CHIC2: variants seen among roughly 807,000 people sequenced by gnomAD.
The protein encoded by CHIC2 is cysteine-rich hydrophobic domain-containing protein 2.
Under a neutral mutation model 25.9 loss-of-function variants are expected in CHIC2, and 14 were observed. The observed-to-expected ratio is 0.54, with a 90% CI of 0.36 to 0.85. The LOEUF (loss-of-function observed/expected upper bound fraction) is 0.85, where lower values mean the gene tolerates loss of function less well. Ranked by LOEUF, CHIC2 falls within the 40% of genes least tolerant of loss-of-function variation. CHIC2 has a pLI of 0.01. For missense variants in CHIC2, 146 were observed against 202.0 expected, an observed-to-expected ratio of 0.72 and a Z score of 1.68; for synonymous variants, 70 against 72.0, an observed-to-expected ratio of 0.97 and a Z score of 0.14.
upstream of CHIC2, among the ~76,000 whole-genome samples, chr4:54,065,474 C>T (rs781436371): frequency 2.6e-5 from 4 of 151,198 alleles, no homozygotes; most frequent in Non-Finnish European, 5.9e-5. Flanking sequence ...GAAAAGGAGG[C>T]AGGAAGGAAG....
chr4:54,077,004 G>T, the CHIC2 span, among the ~76,000 whole-genome samples: 1 of 152,080 alleles, frequency 6.6e-6, no homozygotes, highest in Non-Finnish European at 1.5e-5. Flanking sequence ...GAGGAAACTG[G>T]GTTAACTCAA....
At chr4:54,069,044 G>A (rs1717569284), upstream of CHIC2, among the ~76,000 whole-genome samples, 2 of 152,152 alleles carry the variant, frequency 1.3e-5, no homozygotes, top group Admixed American at 6.5e-5. Flanking sequence ...ATTCACTGCA[G>A]TCCAATAGTT....
chr4:54,063,993 G>A (rs1717415978), intron 1 of CHIC2, among the ~76,000 whole-genome samples, 189 bp downstream of exon 1: 1 of 152,238 alleles, frequency 6.6e-6, no homozygotes, highest in African/African-American at 2.4e-5. Flanking sequence ...TGTGGAGGAG[G>A]AAGGACAGCG....
At position 54,049,047 on chromosome 4, in the gene CHIC2, G is replaced by A; in HGVS notation, c.238C>T (p.Pro80Ser). 6.2e-7 allele frequency: 1 copy of A among 1,612,664 alleles called. No individual in the cohort carries two copies. Among genetic ancestry groups the A allele is most frequent in the Non-Finnish European group, 8.5e-7 (1 of 1,179,274 alleles). Residue 80 changes from proline (P) to serine (S), a missense_variant, in exon 3 of 6, where the codon CCT (proline) becomes TCT (serine). By Grantham distance (74) the Pro-to-Ser change is moderately conservative (BLOSUM62 -1). Transcript: ENST00000263921. ...RVNSCLKKNL[P>S]VNVRWLLCGC... ...CAAAGTAGCCAACGTACATTAACAG[G>A]AAGGTTCTTCTTAAGACAACTGTTA...
chr4:54,080,009 A>G, the CHIC2 span, among the ~76,000 whole-genome samples: 1 of 151,774 alleles, frequency 6.6e-6, no homozygotes. Context: ...GTAGTCAAAC[A>G]AAATGAAATC....
chr4:54,031,950 AAAG>A (rs1277456408), intron 3 of CHIC2, among the ~76,000 whole-genome samples: 1 of 152,030 alleles, frequency 6.6e-6, no homozygotes, highest in Non-Finnish European at 1.5e-5. Flanking sequence ...ACAACACTAC[AAAG>A]AAGGGTTTAG....
intron 3 of CHIC2, among the ~76,000 whole-genome samples, chr4:54,044,504 T>C (rs1307233669): frequency 0.01 from 1,549 of 152,132 alleles, 22 homozygotes; most frequent in African/African-American, 0.035. Context: ...CACTCAAAAC[T>C]GCTCAACTAC....
chr4:54,060,863 T>A (rs1717312985), intron 1 of CHIC2: 1 of 152,136 alleles, frequency 6.6e-6, no homozygotes. Flanking sequence ...TACTTTTAAT[T>A]GAATGGTGAC....
At chr4:54,061,783 C>T (rs1331825237) in intron 1 of CHIC2, among the ~76,000 whole-genome samples, 3 of 151,866 alleles carry the variant, frequency 2.0e-5, no homozygotes, top group Non-Finnish European at 4.4e-5. Context: ...CGCCACAAAA[C>T]AGGTTAAGTT....
the CHIC2 span, among the ~76,000 whole-genome samples, chr4:54,084,959 C>CAAAAAAAAAAAAA: frequency 3.4e-3 from 198 of 58,886 alleles, 12 homozygotes; most frequent in African/African-American, 0.012. Context: ...TGCTCTGTCT[C>CAAAAAAAAAAAAA]AAAAAAAAAA....
rs151317512 is a variant in CHIC2 at position 54,040,604 on chromosome 4, G to A, written c.330+8351C>T. Among the ~76,000 whole-genome samples the A allele has an allele frequency of 5.6e-3, 845 of 151,524 alleles. 3 individuals are homozygous for A. The highest frequency in any genetic ancestry group is 7.4e-3 in the Non-Finnish European group (500 of 67,936). On this transcript the variant is annotated intron_variant, in intron 3 of 5. Coordinates refer to ENST00000263921, the MANE Select transcript of CHIC2 (RefSeq NM_012110.4). ...TAATTCCAGCTACTCCGGAGGCTGAGGCAAGAGAATCACTTGAACCGGGGA... is the reference window on the plus strand; with the variant it reads ...TAATTCCAGCTACTCCGGAGGCTGAAGCAAGAGAATCACTTGAACCGGGGA...
At chr4:54,058,153 T>C (rs1241258486) in intron 1 of CHIC2, among the ~76,000 whole-genome samples, 2 of 152,190 alleles carry the variant, frequency 1.3e-5, no homozygotes, top group Admixed American at 1.3e-4. Context: ...CTTCACATTT[T>C]AGACTGACTT....
intron 3 of CHIC2, among the ~76,000 whole-genome samples, chr4:54,021,334 C>T (rs1036863797): frequency 2.6e-5 from 4 of 152,068 alleles, no homozygotes; most frequent in African/African-American, 4.8e-5. Context: ...GCTCCCAATG[C>T]GACTCATCCC....
chr4:54,074,826 A>G, the CHIC2 span, among the ~76,000 whole-genome samples: 1 of 152,172 alleles, frequency 6.6e-6, no homozygotes, highest in African/African-American at 2.4e-5. Flanking sequence ...AAAAATTCTC[A>G]GCTGGGCACA....
chr4:54,041,504 C>A (rs1021431793), intron 3 of CHIC2, among the ~76,000 whole-genome samples: 1 of 152,070 alleles, frequency 6.6e-6, no homozygotes, highest in Non-Finnish European at 1.5e-5. Flanking sequence ...CAACTAACTG[C>A]AATAGACTGA....
At chr4:54,074,523 C>G in the CHIC2 span, among the ~76,000 whole-genome samples, 1 of 151,536 alleles carries the variant, frequency 6.6e-6, no homozygotes, top group African/African-American at 2.4e-5. Context: ...TAGGAAGTAC[C>G]CAGCTTCATC....
chr4:54,029,184 G>A (rs1194902502), intron 3 of CHIC2, among the ~76,000 whole-genome samples: 1 of 151,098 alleles, frequency 6.6e-6, no homozygotes, highest in East Asian at 1.9e-4. Flanking sequence ...TTTATTAAGT[G>A]TAAAAGAAAG....
the CHIC2 span, among the ~76,000 whole-genome samples, chr4:54,071,900 G>C: frequency 6.6e-6 from 1 of 152,108 alleles, no homozygotes; most frequent in East Asian, 1.9e-4. Flanking sequence ...TTCAAAATTT[G>C]TCCCTAAAAT....
intron 1 of CHIC2, among the ~76,000 whole-genome samples, chr4:54,061,754 T>A (rs896881541): frequency 4.6e-5 from 7 of 152,126 alleles, no homozygotes; most frequent in Non-Finnish European, 1.0e-4. Context: ...AAAAAAAAGT[T>A]TTCTATTATT....
Sources: gnomAD v4.1 joint callset for allele counts (sites outside exome capture counted in the v4.1 genomes callset) on GRCh38, gnomAD v4.1.1 for gene constraint, MANE v1.5 for transcripts, NCBI Gene and HGNC (gene_info 2026-07-23, HGNC 2026-07-21) for gene names.